The following ZNF215 variants were observed in gnomAD, a reference collection of about 807,000 sequenced individuals.
ZNF215 encodes the protein zinc finger protein 215.
A neutral mutation model predicts 27.2 loss-of-function variants in ZNF215; 24 were observed. The observed-to-expected ratio is 0.88, with a 90% CI of 0.64 to 1.24. The LOEUF is 1.24. ZNF215 is among the 50% of genes most tolerant of loss of function. The pLI, the probability that ZNF215 is intolerant of heterozygous loss-of-function variation, is 0.00. For synonymous variants in ZNF215, 210 were observed against 204.0 expected (o/e 1.03, Z -0.25); for missense variants, 675 against 605.7 (o/e 1.11, Z -1.20).
chr11:6,929,329 C>T (rs1849172697), intron 2 of ZNF215, among the ~76,000 whole-genome samples: 1 of 152,174 alleles, frequency 6.6e-6, no homozygotes, highest in Admixed American at 6.5e-5. Flanking sequence ...CTATTAGTAA[C>T]ATTTTGTATT....
rs1036298362 is a variant in ZNF215, at chr11:6,957,175, A to G, written c.*644A>G. On this transcript the variant is annotated 3_prime_UTR_variant, in exon 7 of 7. Transcript: ENST00000278319. ...GTATTCTTAAAATCTGCATTTGTTT[A>G]TAGCAGGTCCTTGAAAAATGTTTTT... 8.1e-6 allele frequency: 8 copies of G among 985,308 alleles called. No homozygotes were observed. In the African/African-American group the frequency reaches 1.4e-4, roughly 17 times the overall value. 61.0% of individuals were successfully genotyped at this position (985,308 alleles called of 1,614,324 possible). A position where few individuals can be genotyped will look rare whatever the true frequency, so the allele number is the denominator to read the frequency against.
intron 5 of ZNF215, among the ~76,000 whole-genome samples, chr11:6,977,366 A>G (rs969652): frequency 0.24 from 36,870 of 151,978 alleles, 4,811 homozygotes; most frequent in Non-Finnish European, 0.29. Flanking sequence ...ACTGTTAGTC[A>G]CTTAGCAGTT....
At chr11:6,983,121 T>C (rs576713672) in intron 5 of ZNF215, among the ~76,000 whole-genome samples, 3 of 152,268 alleles carry the variant, frequency 2.0e-5, no homozygotes, top group South Asian at 4.2e-4. Context: ...CAGAGAATAC[T>C]ACAAACACCT....
chr11:6,948,655 C>A (rs1264684822), intron 6 of ZNF215, among the ~76,000 whole-genome samples: 1 of 152,074 alleles, frequency 6.6e-6, no homozygotes, highest in Admixed American at 6.5e-5. Context: ...GAGTGCGAAG[C>A]TGACATGATT....
At chr11:6,969,313 A>G (rs186633010) in intron 5 of ZNF215, among the ~76,000 whole-genome samples, 84 of 152,272 alleles carry the variant, frequency 5.5e-4, no homozygotes, top group African/African-American at 2.0e-3. Context: ...ACTTTCCTGT[A>G]TCAAATTTTC....
intron 3 of ZNF215, among the ~76,000 whole-genome samples, chr11:6,938,286 C>T (rs2595401): frequency 0.99 from 151,123 of 152,114 alleles, 75,075 homozygotes; most frequent in Middle Eastern, 1. Flanking sequence ...AAAACCATAA[C>T]AACACCCACT....
chr11:6,976,791 A>G (rs1850842593), intron 5 of ZNF215, among the ~76,000 whole-genome samples: 1 of 152,100 alleles, frequency 6.6e-6, no homozygotes. Context: ...ATACACATGT[A>G]TATGTTTTCT....
intron 5 of ZNF215, among the ~76,000 whole-genome samples, chr11:6,972,837 TG>T (rs1850744335): frequency 6.6e-6 from 1 of 152,216 alleles, no homozygotes; most frequent in Admixed American, 6.6e-5. Flanking sequence ...TAGAAAGAGC[TG>T]ATCTGTCGAG....
intron 6 of ZNF215, among the ~76,000 whole-genome samples, chr11:6,948,766 A>C (rs1007338667): frequency 4.6e-5 from 7 of 151,602 alleles, no homozygotes; most frequent in Non-Finnish European, 7.4e-5. Context: ...TTTTATTATT[A>C]TTATACTTTA....
downstream of ZNF215, among the ~76,000 whole-genome samples, chr11:6,984,903 A>G (rs545048249): frequency 1.3e-5 from 2 of 152,334 alleles, no homozygotes; most frequent in East Asian, 1.9e-4. Context: ...TGAATCAGTA[A>G]TAAAAACCCT....
intron 2 of ZNF215, among the ~76,000 whole-genome samples, chr11:6,931,878 C>T (rs1462964396): frequency 6.6e-6 from 1 of 152,046 alleles, no homozygotes; most frequent in Non-Finnish European, 1.5e-5. Flanking sequence ...GACTCTTCAT[C>T]ATTTGTTTTG....
intron 6 of ZNF215, among the ~76,000 whole-genome samples, chr11:6,945,202 T>A (rs1329490745): frequency 6.6e-6 from 1 of 152,140 alleles, no homozygotes; most frequent in Non-Finnish European, 1.5e-5. Flanking sequence ...GGCAAATTAC[T>A]CTTTTCTTCC....
downstream of ZNF215, among the ~76,000 whole-genome samples, chr11:6,992,021 T>C (rs1851121627): frequency 6.6e-6 from 1 of 152,136 alleles, no homozygotes; most frequent in East Asian, 1.9e-4. Flanking sequence ...GAAGTGATAG[T>C]TTGCACTGAA....
intron 5 of ZNF215, among the ~76,000 whole-genome samples, chr11:6,973,409 C>G (rs1233419583): frequency 6.6e-6 from 1 of 152,086 alleles, no homozygotes; most frequent in Non-Finnish European, 1.5e-5. Context: ...TGGGTATATA[C>G]CCAGTAATGG....
Position 6,926,548 on chromosome 11 carries a change from A to T in ZNF215, c.-463A>T, listed in dbSNP as rs1849046398. Reference sequence around the variant, plus strand: ...GAGTGCGTCGAGGTTGTTCCGCGGCAATTTATGAAACTCGGAGCCGGCAGT... The same window carrying T: ...GAGTGCGTCGAGGTTGTTCCGCGGCTATTTATGAAACTCGGAGCCGGCAGT... On this transcript the variant is annotated 5_prime_UTR_variant, in exon 1 of 7. Transcript: ENST00000278319. 1 of 152,248 alleles carries T rather than the reference A, an allele frequency of 6.6e-6. No individual in the cohort carries two copies. Among genetic ancestry groups the T allele is most frequent in the Admixed American group, 6.5e-5 (1 of 15,284 alleles). The allele number at this position is 152,248 out of a possible 1,614,324, so 9.4% of individuals were successfully genotyped here.
intron 5 of ZNF215, among the ~76,000 whole-genome samples, chr11:6,969,995 TG>T (rs760959164): frequency 5.3e-5 from 8 of 152,202 alleles, no homozygotes; most frequent in Non-Finnish European, 7.3e-5. Flanking sequence ...TTGGCCAGGC[TG>T]TTCTCAAACT....
At chr11:6,977,135 T>C (rs1274125552) in intron 5 of ZNF215, among the ~76,000 whole-genome samples, 1 of 152,076 alleles carries the variant, frequency 6.6e-6, no homozygotes, top group Non-Finnish European at 1.5e-5. Context: ...ACCTCAAATG[T>C]GACTGCACAG....
chr11:6,961,550 AC>A (rs1189207736), downstream of ZNF215, among the ~76,000 whole-genome samples: 3 of 152,080 alleles, frequency 2.0e-5, no homozygotes, highest in African/African-American at 4.8e-5. Context: ...CTTCACTGTC[AC>A]CAGGATATGC....
At chr11:6,975,648 G>A (rs1217062695) in intron 5 of ZNF215, among the ~76,000 whole-genome samples, 1 of 151,914 alleles carries the variant, frequency 6.6e-6, no homozygotes, top group East Asian at 1.9e-4. Flanking sequence ...TAGATCTCCG[G>A]TTCTATCCAC....
Sources: allele counts gnomAD v4.1 joint callset (sites outside exome capture counted in the v4.1 genomes callset), GRCh38; gene constraint gnomAD v4.1.1; transcripts MANE v1.5; gene names NCBI Gene and HGNC (gene_info 2026-07-23, HGNC 2026-07-21).